BTBD10: variants seen among roughly 807,000 people sequenced by gnomAD.
The protein encoded by BTBD10 is BTB domain containing 10, also known as BTB/POZ domain-containing protein 10.
A neutral mutation model predicts 53.2 loss-of-function variants in BTBD10; 21 were observed. That is an observed-to-expected ratio of 0.39 (90% CI 0.28 to 0.57). The LOEUF (loss-of-function observed/expected upper bound fraction) is 0.57. Ranked by LOEUF, BTBD10 falls within the 20% of genes least tolerant of loss-of-function variation. The pLI is 0.53. For missense variants in BTBD10, 360 were observed against 594.7 expected (o/e 0.61, Z 4.10); for synonymous variants, 149 against 192.7 (o/e 0.77, Z 1.88).
intron 2 of BTBD10, among the ~76,000 whole-genome samples, chr11:13,436,408 A>T (rs1028589496): frequency 6.6e-6 from 1 of 152,176 alleles, no homozygotes; most frequent in Non-Finnish European, 1.5e-5. Context: ...AGACATTGCC[A>T]ACACCCACTA....
At chr11:13,439,608 A>G (rs1950610170) in intron 2 of BTBD10, among the ~76,000 whole-genome samples, 1 of 152,164 alleles carries the variant, frequency 6.6e-6, no homozygotes, top group Admixed American at 6.5e-5. Flanking sequence ...TAAATTTTTA[A>G]TGATATTCAT....
At chr11:13,441,812 C>A (rs1051728735) in intron 2 of BTBD10, among the ~76,000 whole-genome samples, 5 of 152,174 alleles carry the variant, frequency 3.3e-5, no homozygotes, top group Admixed American at 6.5e-5. Flanking sequence ...AGATTTAAAT[C>A]CCCAACTGTT....
chr11:13,404,396 T>C (rs1015791371), intron 7 of BTBD10, among the ~76,000 whole-genome samples: 3 of 152,134 alleles, frequency 2.0e-5, no homozygotes, highest in African/African-American at 4.8e-5. Flanking sequence ...AGTTCAACAA[T>C]GGAAAAGAAA....
At chr11:13,398,008 T>C (rs928497988) in intron 8 of BTBD10, among the ~76,000 whole-genome samples, 4 of 152,220 alleles carry the variant, frequency 2.6e-5, no homozygotes, top group African/African-American at 4.8e-5. Context: ...CTGAAAAGAA[T>C]GTATATTCTG....
chr11:13,424,967 A>T (rs1403253159), intron 2 of BTBD10, among the ~76,000 whole-genome samples: 1 of 152,176 alleles, frequency 6.6e-6, no homozygotes, highest in African/African-American at 2.4e-5. Flanking sequence ...GGGATAAGAG[A>T]TGGCTAGAGT....
At chr11:13,440,321 G>C (rs1228877733) in intron 2 of BTBD10, 39 of 1,107,390 alleles carry the variant, frequency 3.5e-5, no homozygotes, top group Non-Finnish European at 4.3e-5. Flanking sequence ...AGCAGTGATT[G>C]GATATTGTAA....
intron 2 of BTBD10, chr11:13,440,242 T>G (rs971475185): frequency 2.1e-5 from 27 of 1,270,082 alleles, no homozygotes; most frequent in Non-Finnish European, 2.6e-5. Context: ...AGCCGTGGGT[T>G]GTGCAGCACT....
chr11:13,416,670 T>A (rs1950121396), intron 5 of BTBD10, among the ~76,000 whole-genome samples: 3 of 152,130 alleles, frequency 2.0e-5, no homozygotes, highest in Admixed American at 1.3e-4. Flanking sequence ...TTGTATTATT[T>A]GTATGTACTA....
At position 13,456,576 on chromosome 11, in the gene BTBD10, A is replaced by G. The variant is rs557021589; in HGVS notation, c.-58+6516T>C. ...CACCACTACTTGCAAAAAGCACAGA[A>G]AAAAATAAAGTTTTAAAAACAAGTA... On this transcript the variant is annotated intron_variant, in intron 1 of 8. Transcript: ENST00000278174. Among the ~76,000 whole-genome samples the G allele has an allele frequency of 2.0e-5, 3 of 152,354 alleles. No homozygotes were observed. The East Asian group carries it at 5.8e-4, about 29-fold the overall frequency.
chr11:13,429,359 T>C (rs551851190), intron 2 of BTBD10, among the ~76,000 whole-genome samples: 4 of 152,234 alleles, frequency 2.6e-5, no homozygotes, highest in African/African-American at 9.6e-5. Flanking sequence ...AAAAGAACAG[T>C]TGGAAGACTA....
intron 1 of BTBD10, among the ~76,000 whole-genome samples, chr11:13,455,794 A>G (rs1454760537): frequency 6.6e-6 from 1 of 152,194 alleles, no homozygotes; most frequent in African/African-American, 2.4e-5. Flanking sequence ...ATTTTAAACA[A>G]TATTTTTTCC....
chr11:13,397,130 T>C (rs974177322), intron 8 of BTBD10, among the ~76,000 whole-genome samples: 1 of 152,256 alleles, frequency 6.6e-6, no homozygotes, highest in African/African-American at 2.4e-5. Flanking sequence ...CAGCTCCTCC[T>C]TGTACCTCTG....
intron 2 of BTBD10, among the ~76,000 whole-genome samples, chr11:13,437,263 C>T (rs1950560982): frequency 6.6e-6 from 1 of 152,156 alleles, no homozygotes; most frequent in African/African-American, 2.4e-5. Context: ...GATGGGAAGC[C>T]ATATGATACT....
chr11:13,405,594 T>G (rs1329421997), intron 7 of BTBD10, 65 bp downstream of exon 7: 2 of 1,579,560 alleles, frequency 1.3e-6, no homozygotes, highest in Non-Finnish European at 1.7e-6. Flanking sequence ...GAAGAGCTCT[T>G]CTTTACATAA....
intron 1 of BTBD10, among the ~76,000 whole-genome samples, chr11:13,458,820 TGAAA>T (rs1951026786): frequency 6.6e-6 from 1 of 152,126 alleles, no homozygotes; most frequent in South Asian, 2.1e-4. Context: ...AATGAATAGC[TGAAA>T]GAAACAGATC....
chr11:13,415,390 T>C (rs745617118), intron 5 of BTBD10, among the ~76,000 whole-genome samples: 5 of 152,202 alleles, frequency 3.3e-5, no homozygotes, highest in Non-Finnish European at 7.3e-5. Context: ...AGGGCAGTCA[T>C]GCCCCAGGCG....
chr11:13,456,297 C>T (rs1200668788), intron 1 of BTBD10, among the ~76,000 whole-genome samples: 3 of 152,038 alleles, frequency 2.0e-5, no homozygotes, highest in East Asian at 1.9e-4. Context: ...TAAAGAACTT[C>T]AATATATGAT....
At position 13,417,266 on chromosome 11, in the gene BTBD10, A is replaced by T. The variant is rs774014312; in HGVS notation, c.585-6T>A. 120 of 1,588,874 alleles carry T rather than the reference A, an allele frequency of 7.6e-5. No individual in the cohort carries two copies. The highest frequency in any genetic ancestry group is 9.1e-5 in the Non-Finnish European group (106 of 1,163,012). ...CTCGGCCAGATCCAAACATCCTATG[A>T]TAGTAAATAATTGAGAAATACGTCA... On this transcript the variant is annotated splice_polypyrimidine_tract_variant and splice_region_variant and intron_variant, in intron 4 of 8. Coordinates refer to ENST00000278174, the MANE Select transcript of BTBD10 (RefSeq NM_032320.7).
chr11:13,449,036 T>C (rs904886307), intron 1 of BTBD10, among the ~76,000 whole-genome samples: 1 of 152,198 alleles, frequency 6.6e-6, no homozygotes. Flanking sequence ...GGGGCAGGCA[T>C]TCAGGAGACT....
Sources: allele counts gnomAD v4.1 joint callset (sites outside exome capture counted in the v4.1 genomes callset), GRCh38; gene constraint gnomAD v4.1.1; transcripts MANE v1.5; gene names NCBI Gene and HGNC (gene_info 2026-07-23, HGNC 2026-07-21).